Variants in CACNA2D3 observed in about 807,000 individuals in gnomAD.
CACNA2D3 encodes the protein voltage-dependent calcium channel subunit alpha-2/delta-3.
CACNA2D3 carries 60 observed loss-of-function variants against 160.6 expected under a neutral mutation model. The ratio of observed to expected loss-of-function variants is 0.37; its 90% confidence interval spans 0.30 to 0.46. The LOEUF is 0.46. CACNA2D3 is among the 20% of genes least tolerant of loss of function. CACNA2D3 has a pLI of 1.00. For synonymous variants in CACNA2D3, 558 were observed against 492.9 expected (o/e 1.13, Z -1.75); for missense variants, 1,205 against 1,365.0 (o/e 0.88, Z 1.85).
chr3:54,343,912 A>G (rs1231092597), intron 3 of CACNA2D3, among the ~76,000 whole-genome samples: 2 of 152,222 alleles, frequency 1.3e-5, no homozygotes, highest in Non-Finnish European at 2.9e-5. Flanking sequence ...GCAATAGTAT[A>G]TTATGATAAT....
rs150316843 is a variant in CACNA2D3, at chr3:54,404,195, C to T, written c.381+17421C>T. ...AGACACCACGGTAAAGAAAACTACACGTCAGGTCAGTATCAATATCTCTGA... is the reference window on the plus strand; with the variant it reads ...AGACACCACGGTAAAGAAAACTACATGTCAGGTCAGTATCAATATCTCTGA... On this transcript the variant is annotated intron_variant, in intron 4 of 37. Coordinates refer to ENST00000474759, the MANE Select transcript of CACNA2D3 (RefSeq NM_018398.3). Among the ~76,000 whole-genome samples, 357 of 152,206 alleles carry T rather than the reference C, an allele frequency of 2.3e-3. 3 individuals carry two copies. Among genetic ancestry groups the T allele is most frequent in the African/African-American group, 8.4e-3 (347 of 41,538 alleles).
intron 35 of CACNA2D3, among the ~76,000 whole-genome samples, chr3:55,040,852 G>C (rs1440900312): frequency 6.6e-6 from 1 of 152,126 alleles, no homozygotes; most frequent in East Asian, 1.9e-4. Context: ...ACAAAATGAG[G>C]TAATTTAGAG....
At chr3:54,321,025 GA>G (rs1276016806) in intron 3 of CACNA2D3, among the ~76,000 whole-genome samples, 1 of 152,164 alleles carries the variant, frequency 6.6e-6, no homozygotes, top group African/African-American at 2.4e-5. Context: ...TGAGTTATTT[GA>G]AAGTTTTTAT....
At chr3:54,123,189 CT>C (rs1699511675) in intron 1 of CACNA2D3, among the ~76,000 whole-genome samples, 1 of 151,962 alleles carries the variant, frequency 6.6e-6, no homozygotes, top group African/African-American at 2.4e-5. Flanking sequence ...TTTCTTCTGA[CT>C]GCTATTTGCC....
chr3:54,249,075 T>C (rs556699124), intron 2 of CACNA2D3, among the ~76,000 whole-genome samples: 12 of 152,304 alleles, frequency 7.9e-5, no homozygotes, highest in African/African-American at 2.6e-4. Context: ...TTACGGGATA[T>C]CAAGGAGAAG....
At chr3:54,767,973 T>C (rs1702253355) in intron 13 of CACNA2D3, among the ~76,000 whole-genome samples, 1 of 152,096 alleles carries the variant, frequency 6.6e-6, no homozygotes, top group African/African-American at 2.4e-5. Context: ...GTGCAGTGTA[T>C]GATGGAGTGC....
intron 24 of CACNA2D3, among the ~76,000 whole-genome samples, chr3:54,890,160 C>G (rs1340877257): frequency 6.6e-6 from 1 of 152,112 alleles, no homozygotes; most frequent in Non-Finnish European, 1.5e-5. Flanking sequence ...GAAACAAGCT[C>G]AAGAATTGGT....
At chr3:54,349,721 C>A (rs1415736517) in intron 3 of CACNA2D3, among the ~76,000 whole-genome samples, 1 of 152,174 alleles carries the variant, frequency 6.6e-6, no homozygotes, top group Admixed American at 6.5e-5. Flanking sequence ...TCACGTCTTC[C>A]CATGATAGCA....
chr3:54,870,340 C>T (rs757326464), intron 17 of CACNA2D3, among the ~76,000 whole-genome samples: 4 of 152,288 alleles, frequency 2.6e-5, no homozygotes, highest in Non-Finnish European at 5.9e-5. Flanking sequence ...GTTTTGGGGT[C>T]TTAAAACACT....
rs370322290 is a variant in CACNA2D3 at position 54,368,274 on chromosome 3, A to G, written c.322-18441A>G. On this transcript the variant is annotated intron_variant, in intron 3 of 37. Transcript: ENST00000474759. ...CGCTTGAGCCCGGGAGTTCTAGACCAGCCTAGGCAATGTAGGGACTTGTCT... is the reference window on the plus strand; with the variant it reads ...CGCTTGAGCCCGGGAGTTCTAGACCGGCCTAGGCAATGTAGGGACTTGTCT... Among the ~76,000 whole-genome samples the G allele has an allele frequency of 1.6e-3, 237 of 152,334 alleles. 1 individual carries two copies. Among genetic ancestry groups the G allele is most frequent in the Middle Eastern group, 0.01 (3 of 294 alleles).
intron 13 of CACNA2D3, among the ~76,000 whole-genome samples, chr3:54,764,731 T>C (rs1168218576): frequency 6.6e-6 from 1 of 152,302 alleles, no homozygotes; most frequent in East Asian, 1.9e-4. Context: ...TGTGTCTCAA[T>C]TGGGAATGTA....
At chr3:54,225,797 C>G (rs1701659495) in intron 2 of CACNA2D3, among the ~76,000 whole-genome samples, 2 of 151,528 alleles carry the variant, frequency 1.3e-5, no homozygotes, top group South Asian at 2.1e-4. Flanking sequence ...TCTCTTGGCC[C>G]TGTGTATTGA....
chr3:54,657,783 C>T (rs989452190), intron 11 of CACNA2D3, among the ~76,000 whole-genome samples: 3 of 152,108 alleles, frequency 2.0e-5, no homozygotes, highest in Non-Finnish European at 2.9e-5. Context: ...AATCCCAGCA[C>T]TTTGGGAGGC....
At chr3:54,869,749 A>G (rs767618815) in intron 17 of CACNA2D3, among the ~76,000 whole-genome samples, 5 of 152,142 alleles carry the variant, frequency 3.3e-5, no homozygotes, top group Admixed American at 6.5e-5. Flanking sequence ...GGGGCAAGGC[A>G]CCGCTGCTGA....
intron 16 of CACNA2D3, among the ~76,000 whole-genome samples, chr3:54,841,129 C>G (rs1698810523): frequency 6.6e-6 from 1 of 152,214 alleles, no homozygotes; most frequent in Admixed American, 6.5e-5. Context: ...CTAAAATACA[C>G]TAAAACATTT....
intron 3 of CACNA2D3, among the ~76,000 whole-genome samples, chr3:54,335,038 G>T (rs1233635517): frequency 1.3e-5 from 2 of 152,200 alleles, no homozygotes; most frequent in Admixed American, 6.5e-5. Flanking sequence ...AAGTGTTTTA[G>T]CCCAGTGCCT....
intron 11 of CACNA2D3, among the ~76,000 whole-genome samples, chr3:54,656,290 C>G (rs1054149398): frequency 1.3e-5 from 2 of 152,250 alleles, no homozygotes; most frequent in Non-Finnish European, 2.9e-5. Context: ...ATCTCATTCA[C>G]TCCCTTGGCA....
chr3:54,288,071 T>C (rs1703079870), intron 2 of CACNA2D3, among the ~76,000 whole-genome samples: 1 of 151,528 alleles, frequency 6.6e-6, no homozygotes, highest in African/African-American at 2.4e-5. Flanking sequence ...ATAACTAAAA[T>C]CAGAGCAGAA....
At chr3:54,918,125 G>A (rs1410630612) in intron 27 of CACNA2D3, 9 of 198,428 alleles carry the variant, frequency 4.5e-5, no homozygotes, top group Non-Finnish European at 9.3e-5. Flanking sequence ...CTGGTGCTTT[G>A]TAAAAGGAAC....
Sources: gnomAD v4.1 joint callset for allele counts (sites outside exome capture counted in the v4.1 genomes callset) on GRCh38, gnomAD v4.1.1 for gene constraint, MANE v1.5 for transcripts, NCBI Gene and HGNC (gene_info 2026-07-23, HGNC 2026-07-21) for gene names.